STK32B: variants seen among roughly 807,000 people sequenced by gnomAD.
STK32B encodes the protein serine/threonine kinase 32B, also known as serine/threonine-protein kinase 32B.
STK32B carries 43 observed loss-of-function variants against 52.6 expected under a neutral mutation model. That is an observed-to-expected ratio of 0.82 (90% CI 0.64 to 1.05). STK32B has a LOEUF of 1.05. Ranked by LOEUF, STK32B falls within the 50% of genes least tolerant of loss-of-function variation. STK32B has a pLI of 0.00. For missense variants in STK32B, 621 were observed against 534.6 expected (o/e 1.16, Z -1.59); for synonymous variants, 238 against 204.3 (o/e 1.17, Z -1.41).
intron 2 of STK32B, among the ~76,000 whole-genome samples, chr4:5,164,485 A>G (rs1348704550): frequency 2.0e-5 from 3 of 152,326 alleles, no homozygotes; most frequent in African/African-American, 7.2e-5. Flanking sequence ...AAATAAGAGC[A>G]CTGTCTTAGT....
chr4:5,467,491 T>G lies in STK32B; in HGVS notation c.1042-515T>G, dbSNP rs7661234. ...TTCATATAAGGACCCCAGTCATTGG[T>G]CTTAGGGCCTACCTAATTCACTGTG... On this transcript the variant is annotated intron_variant, in intron 10 of 11. Transcript: ENST00000282908. This position sits in a 1 kb window ranked among gnomAD's most constrained non-coding sequence, Gnocchi z 5.8. 0.72 allele frequency among the ~76,000 whole-genome samples: 109,591 copies of G among 152,054 alleles called. 40,227 individuals carry two copies. Among genetic ancestry groups the G allele is most frequent in the African/African-American group, 0.86 (35,847 of 41,492 alleles).
Position 5,471,255 on chromosome 4 carries a change from T to G in STK32B, c.1106+3185T>G, listed in dbSNP as rs1037891806. Among the ~76,000 whole-genome samples, 3 of 152,166 alleles carry G rather than the reference T, an allele frequency of 2.0e-5. No homozygotes were observed. The East Asian group carries it at 5.8e-4, about 29-fold the overall frequency. The stretch of plus-strand genomic sequence containing the variant: ...CCCCTACTTCAGAATGTGACCTTAT[T>G]TGGAAATAGGGTGGGTGCAGATGTA... On this transcript the variant is annotated intron_variant, in intron 11 of 11. Coordinates refer to ENST00000282908, the MANE Select transcript of STK32B (RefSeq NM_018401.3).
At chr4:5,316,899 A>T (rs1432716684) in intron 3 of STK32B, among the ~76,000 whole-genome samples, 4 of 11,152 alleles carry the variant, frequency 3.6e-4, no homozygotes, top group East Asian at 6.3e-3. Context: ...TATTATATAT[A>T]ATATATAATA....
chr4:5,232,894 A>G (rs147167909), intron 3 of STK32B, among the ~76,000 whole-genome samples: 9 of 152,098 alleles, frequency 5.9e-5, no homozygotes, highest in Non-Finnish European at 1.2e-4. Context: ...TGGGAAGGAG[A>G]ATGGGATTGA....
intron 1 of STK32B, among the ~76,000 whole-genome samples, chr4:5,082,809 A>G (rs1712511373): frequency 6.6e-6 from 1 of 152,104 alleles, no homozygotes; most frequent in South Asian, 2.1e-4. Flanking sequence ...TTTGAGTGAG[A>G]ACCAATGTTA....
intron 6 of STK32B, among the ~76,000 whole-genome samples, chr4:5,438,870 G>C (rs1370390941): frequency 1.6e-4 from 24 of 151,874 alleles, no homozygotes; most frequent in Middle Eastern, 3.4e-3. Flanking sequence ...TTTTGTTCTT[G>C]GGATAATTTA....
At chr4:5,212,814 A>T (rs1198321858) in intron 3 of STK32B, among the ~76,000 whole-genome samples, 3 of 152,154 alleles carry the variant, frequency 2.0e-5, no homozygotes, top group African/African-American at 7.2e-5. Flanking sequence ...ATGAGTGATG[A>T]GTTGGCCTGC....
chr4:5,157,299 T>TAA (rs59362249), intron 2 of STK32B, among the ~76,000 whole-genome samples: 43 of 101,538 alleles, frequency 4.2e-4, no homozygotes, highest in East Asian at 2.4e-3. Context: ...TGTGAGGATG[T>TAA]AAAAAAAAAA....
intron 3 of STK32B, among the ~76,000 whole-genome samples, chr4:5,242,315 T>C (rs368925655): frequency 3.9e-5 from 6 of 152,328 alleles, no homozygotes; most frequent in South Asian, 4.1e-4. Flanking sequence ...ATTTGCATTT[T>C]TCTGATGGCC....
chr4:5,291,027 A>G (rs185310054), intron 3 of STK32B, among the ~76,000 whole-genome samples: 1 of 152,264 alleles, frequency 6.6e-6, no homozygotes, highest in Non-Finnish European at 1.5e-5. Context: ...TCTGGACTCA[A>G]TTTTGTTCTA....
intron 6 of STK32B, among the ~76,000 whole-genome samples, chr4:5,420,971 C>T (rs1353629735): frequency 6.6e-6 from 1 of 152,166 alleles, no homozygotes; most frequent in African/African-American, 2.4e-5. Flanking sequence ...ATGATCTTGG[C>T]TCACTGCAAC....
intron 3 of STK32B, among the ~76,000 whole-genome samples, chr4:5,269,659 G>A (rs576096338): frequency 1.3e-5 from 2 of 152,190 alleles, no homozygotes; most frequent in South Asian, 4.1e-4. Context: ...AACTTCTAGA[G>A]ATCAAAACTG....
At position 5,470,975 on chromosome 4, in the gene STK32B, C is replaced by T. The variant is rs1013849679; in HGVS notation, c.1106+2905C>T. On this transcript the variant is annotated intron_variant, in intron 11 of 11. Transcript: ENST00000282908. This position sits in a 1 kb window ranked among gnomAD's most constrained non-coding sequence, Gnocchi z 4.6. Reference sequence around the variant, plus strand: ...CTCCGCCTGGACCACGTCCCCGGTCCCCAGCAGTTCCGCCTCCTTTCAATC... The same window carrying T: ...CTCCGCCTGGACCACGTCCCCGGTCTCCAGCAGTTCCGCCTCCTTTCAATC... 6.6e-6 allele frequency among the ~76,000 whole-genome samples: 1 copy of T among 152,214 alleles called. No homozygotes were observed. The highest frequency in any genetic ancestry group is 2.4e-5 in the African/African-American group (1 of 41,462).
chr4:5,478,086 T>C (rs1292736262), intron 11 of STK32B, among the ~76,000 whole-genome samples: 1 of 152,134 alleles, frequency 6.6e-6, no homozygotes, highest in East Asian at 1.9e-4. Flanking sequence ...GAGTTCTGCA[T>C]CTGAACTCTC....
At chr4:5,095,419 A>C (rs889106185) in intron 1 of STK32B, among the ~76,000 whole-genome samples, 1 of 152,230 alleles carries the variant, frequency 6.6e-6, no homozygotes, top group Non-Finnish European at 1.5e-5. Context: ...GTTCAAGACC[A>C]GTCTGGCCAA....
intron 3 of STK32B, among the ~76,000 whole-genome samples, chr4:5,256,794 G>T (rs1008930500): frequency 6.6e-6 from 1 of 152,152 alleles, no homozygotes; most frequent in Non-Finnish European, 1.5e-5. Flanking sequence ...TATGCTCCAT[G>T]GAACCCTGAA....
intron 7 of STK32B, chr4:5,446,984 A>G (rs1016136717): frequency 3.4e-5 from 18 of 525,560 alleles, no homozygotes; most frequent in Non-Finnish European, 5.9e-5. Context: ...GATGGGAAAG[A>G]GGCATTCAGT....
At chr4:5,126,043 C>T (rs924076286) in intron 1 of STK32B, among the ~76,000 whole-genome samples, 13 of 152,188 alleles carry the variant, frequency 8.5e-5, no homozygotes, top group Non-Finnish European at 1.8e-4. Context: ...TTCTACACCT[C>T]GGTCAAAAGC....
intron 3 of STK32B, among the ~76,000 whole-genome samples, chr4:5,234,354 A>G (rs1291743503): frequency 1.3e-5 from 2 of 152,206 alleles, no homozygotes; most frequent in Non-Finnish European, 2.9e-5. Context: ...CCTGGCACGT[A>G]GGAAAAGTTT....
Sources: allele counts gnomAD v4.1 joint callset (sites outside exome capture counted in the v4.1 genomes callset), GRCh38; gene constraint gnomAD v4.1.1; non-coding constraint Gnocchi (gnomAD v3.1); transcripts MANE v1.5; gene names NCBI Gene and HGNC (gene_info 2026-07-23, HGNC 2026-07-21).